The following SMYD4 variants were observed in gnomAD, a reference collection of about 807,000 sequenced individuals.
The protein encoded by SMYD4 is SET and MYND domain containing 4.
Under a neutral mutation model 72.8 loss-of-function variants are expected in SMYD4, and 68 were observed. The ratio of observed to expected loss-of-function variants is 0.93; its 90% CI spans 0.77 to 1.14. SMYD4 has a LOEUF of 1.14. Among genes scored for constraint, SMYD4 ranks in the 50% most tolerant of loss-of-function variants. The probability of loss-of-function intolerance (pLI) is 0.00; values close to 1 mark genes in which losing one functional copy is unlikely to be tolerated. For synonymous variants in SMYD4, 407 were observed against 388.6 expected (o/e 1.05, Z -0.56); for missense variants, 984 against 1,003.7 (o/e 0.98, Z 0.27).
At chr17:1,814,091 G>C (rs950101581) in intron 2 of SMYD4, among the ~76,000 whole-genome samples, 2 of 152,038 alleles carry the variant, frequency 1.3e-5, no homozygotes, top group African/African-American at 4.8e-5. Context: ...AGGGAAGATT[G>C]CCTGAGCTCA....
chr17:1,783,826 CATG>C (rs1908506602), intron 8 of SMYD4: 2 of 348,828 alleles, frequency 5.7e-6, no homozygotes, highest in Non-Finnish European at 1.1e-5. Context: ...ATAAAAATCC[CATG>C]ATGTCAAGCT....
intron 2 of SMYD4, among the ~76,000 whole-genome samples, chr17:1,827,198 C>T (rs939140615): frequency 8.6e-5 from 13 of 150,410 alleles, no homozygotes; most frequent in African/African-American, 2.7e-4. Context: ...ATAAATTAGC[C>T]GAGCATGGTG....
intron 5 of SMYD4, among the ~76,000 whole-genome samples, chr17:1,797,788 G>A: frequency 6.6e-6 from 1 of 152,126 alleles, no homozygotes; most frequent in East Asian, 1.9e-4. Flanking sequence ...GCTCACCTGA[G>A]GTCAGGAGTT....
chr17:1,806,167 C>T (rs1440039945), intron 3 of SMYD4, among the ~76,000 whole-genome samples: 3 of 151,898 alleles, frequency 2.0e-5, no homozygotes, highest in Non-Finnish European at 1.5e-5. Flanking sequence ...CCTCGTGATC[C>T]GCTCGCCTCG....
intron 10 of SMYD4, chr17:1,782,516 T>C (rs889805901): frequency 6.7e-6 from 1 of 148,268 alleles, no homozygotes; most frequent in African/African-American, 2.5e-5. Flanking sequence ...CAATGCCACA[T>C]GTTGTCTGGG....
rs543531946 is a variant in SMYD4 at position 1,810,001 on chromosome 17, C to T, written c.279+1970G>A. Among the ~76,000 whole-genome samples, 74 of 152,168 alleles carry T rather than the reference C, an allele frequency of 4.9e-4. 1 individual carries two copies. Among genetic ancestry groups the T allele is most frequent in the African/African-American group, 1.8e-3 (73 of 41,526 alleles). On this transcript the variant is annotated intron_variant, in intron 3 of 10. Transcript: ENST00000305513. ...TTACAGATGGGGTCTTGCTATGTTG[C>T]CCAGGCTGGTCTTGAACTCCTGGGC...
intron 5 of SMYD4, among the ~76,000 whole-genome samples, chr17:1,796,049 A>T (rs1207327647): frequency 6.6e-6 from 1 of 152,128 alleles, no homozygotes; most frequent in East Asian, 1.9e-4. Flanking sequence ...GATGTCTCCA[A>T]ACCACTTTCC....
chr17:1,782,113 G>T (rs1908396501), intron 10 of SMYD4: 1 of 152,190 alleles, frequency 6.6e-6, no homozygotes, highest in Non-Finnish European at 1.5e-5. Context: ...AGTAGCAAAA[G>T]TGGATTTGGC....
At chr17:1,810,433 A>G (rs762288374) in intron 3 of SMYD4, among the ~76,000 whole-genome samples, 1 of 152,114 alleles carries the variant, frequency 6.6e-6, no homozygotes, top group Non-Finnish European at 1.5e-5. Flanking sequence ...GCTACTCAGG[A>G]GACTAAGGTG....
intron 2 of SMYD4, among the ~76,000 whole-genome samples, chr17:1,819,907 C>T (rs774915613): frequency 1.3e-5 from 2 of 152,134 alleles, no homozygotes; most frequent in African/African-American, 2.4e-5. Flanking sequence ...TCTGCCTCAG[C>T]CTCCCAAGTA....
intron 5 of SMYD4, among the ~76,000 whole-genome samples, chr17:1,795,491 G>T (rs1909356515): frequency 6.6e-6 from 1 of 152,052 alleles, no homozygotes; most frequent in South Asian, 2.1e-4. Flanking sequence ...CACCCTGGCT[G>T]GAGTACAGTG....
intron 2 of SMYD4, among the ~76,000 whole-genome samples, chr17:1,819,548 A>G (rs1408406758): frequency 1.3e-5 from 2 of 152,168 alleles, no homozygotes; most frequent in African/African-American, 2.4e-5. Context: ...ATAGGGCCAT[A>G]CTTTGAGATC....
In SMYD4 at chr17:1,793,550, A is replaced by G. The variant is rs565394036; in HGVS notation, c.1538-5946T>C. 1.8e-3 allele frequency among the ~76,000 whole-genome samples: 267 copies of G among 152,088 alleles called. 1 individual carries two copies. The highest frequency in any genetic ancestry group is 5.3e-3 in the African/African-American group (222 of 41,502). On this transcript the variant is annotated intron_variant, in intron 5 of 10. Coordinates refer to ENST00000305513, the MANE Select transcript of SMYD4 (RefSeq NM_052928.3). ...GACAGTGGAGGCAATTAAGGCTTAG[A>G]CTCAAAAGTCACATCAGGTCACTTC...
chr17:1,791,240 C>T (rs866557542), intron 5 of SMYD4, among the ~76,000 whole-genome samples: 1 of 151,666 alleles, frequency 6.6e-6, no homozygotes, highest in Non-Finnish European at 1.5e-5. Flanking sequence ...GACAGGAATC[C>T]GGATAGATCA....
chr17:1,809,169 G>A (rs1910191521), intron 3 of SMYD4, among the ~76,000 whole-genome samples: 1 of 151,966 alleles, frequency 6.6e-6, no homozygotes, highest in East Asian at 1.9e-4. Flanking sequence ...GAGCCACTGT[G>A]CCCAGCCTAC....
intron 5 of SMYD4, among the ~76,000 whole-genome samples, chr17:1,797,276 A>G (rs1380036001): frequency 6.6e-6 from 1 of 152,202 alleles, no homozygotes; most frequent in Non-Finnish European, 1.5e-5. Context: ...CTCCCTCTCA[A>G]GAGAGTTAAT....
intron 3 of SMYD4, among the ~76,000 whole-genome samples, chr17:1,811,339 G>A (rs545660342): frequency 1.3e-5 from 2 of 152,188 alleles, no homozygotes; most frequent in South Asian, 4.1e-4. Context: ...CACTAGTCAG[G>A]CTAATTTAAA....
Position 1,800,303 on chromosome 17 carries a change from C to G in SMYD4, c.1091G>C (p.Arg364Pro), listed in dbSNP as rs535301214. Residue 364 changes from arginine to proline, a missense_variant, in exon 5 of 11, where the codon CGC (arginine) becomes CCC (proline). Coordinates refer to ENST00000305513, the MANE Select transcript of SMYD4 (RefSeq NM_052928.3). The part of the protein sequence containing the change: ...LTLLVGFEDV[R>P]KIITKLCDKI... ...ATCACAAAGCTTCGTTATGATTTTG[C>G]GAACATCCTCAAATCCCACCAAAAG... is the stretch of plus-strand genomic sequence containing the variant. 3.7e-6 allele frequency: 6 copies of G among 1,614,034 alleles called. No homozygotes were observed. In the South Asian group the frequency reaches 6.6e-5, roughly 18 times the overall value.
intron 2 of SMYD4, among the ~76,000 whole-genome samples, chr17:1,816,442 AC>A (rs1436614336): frequency 6.7e-6 from 1 of 150,360 alleles, no homozygotes; most frequent in Non-Finnish European, 1.5e-5. Flanking sequence ...ACAAGGTGAA[AC>A]CCCCGTCTCT....
Sources: allele counts gnomAD v4.1 joint callset (sites outside exome capture counted in the v4.1 genomes callset), GRCh38; gene constraint gnomAD v4.1.1; transcripts MANE v1.5; gene names NCBI Gene and HGNC (gene_info 2026-07-23, HGNC 2026-07-21).